The following AKAP8 variants were observed in gnomAD, a reference collection of about 807,000 sequenced individuals.
The protein encoded by AKAP8 is A-kinase anchoring protein 8.
Under a neutral mutation model 67.5 loss-of-function variants are expected in AKAP8, and 24 were observed. The observed-to-expected ratio is 0.36, with a 90% CI of 0.26 to 0.50. AKAP8 has a LOEUF of 0.50. Ranked by LOEUF, AKAP8 falls within the 20% of genes least tolerant of loss-of-function variation. The pLI is 0.97. For synonymous variants in AKAP8, 400 were observed against 371.1 expected (o/e 1.08, Z -0.90); for missense variants, 971 against 955.9 (o/e 1.02, Z -0.21).
intron 2 of AKAP8, among the ~76,000 whole-genome samples, chr19:15,376,082 G>A (rs1239976888): frequency 2.0e-5 from 3 of 152,000 alleles, no homozygotes; most frequent in East Asian, 3.9e-4. Context: ...GGCACGCACT[G>A]CCACGCCCCA....
rs1005590984 is a variant in AKAP8 at position 15,354,858 on chromosome 19, G to C, written c.*57C>G. ...CCCTTGTACTGCTTACAAACCAAGG[G>C]AGAAAGACCAACGCATCCATCATCC... On this transcript the variant is annotated 3_prime_UTR_variant, in exon 14 of 14. Transcript: ENST00000269701. 5.7e-6 allele frequency: 9 copies of C among 1,586,488 alleles called. No individual in the cohort carries two copies. Among genetic ancestry groups the C allele is most frequent in the Admixed American group, 1.7e-5 (1 of 59,322 alleles).
intron 10 of AKAP8, 45 bp downstream of exon 10, chr19:15,362,065 C>A: frequency 6.2e-7 from 1 of 1,606,530 alleles, no homozygotes; most frequent in Non-Finnish European, 8.5e-7. Flanking sequence ...CCGGCACCTG[C>A]GGGATGGGCA....
chr19:15,372,102 T>C (rs1162759838), intron 6 of AKAP8, 104 bp from the exon 7 acceptor site: 4 of 1,608,778 alleles, frequency 2.5e-6, no homozygotes, highest in Non-Finnish European at 3.4e-6. Flanking sequence ...CTGACCACAG[T>C]GGGGTTGAAA....
chr19:15,367,179 T>C (rs1463730690), intron 9 of AKAP8, among the ~76,000 whole-genome samples: 2 of 152,346 alleles, frequency 1.3e-5, no homozygotes, highest in African/African-American at 4.8e-5. Flanking sequence ...GTGCTGGAAT[T>C]ACATGTGTGA....
rs1417431780 is a variant in AKAP8, at chr19:15,372,946, A to G, written c.766T>C (p.Tyr256His). Reference protein sequence around the residue: ...SLFSQSMAPDYGVMGMQGAGG... With the variant: ...SLFSQSMAPDHGVMGMQGAGG... Reference sequence around the variant, plus strand: ...GCCCCCTGCATGCCCATCACGCCGTAGTCGGGAGCCATGGACTGGGAGAAG... The same window carrying G: ...GCCCCCTGCATGCCCATCACGCCGTGGTCGGGAGCCATGGACTGGGAGAAG... Residue 256 changes from tyrosine to histidine, a missense_variant, in exon 5 of 14, where the codon TAC (tyrosine) becomes CAC (histidine). Coordinates refer to ENST00000269701, the MANE Select transcript of AKAP8 (RefSeq NM_005858.4). The G allele has an allele frequency of 1.3e-6, 2 of 1,544,564 alleles. No homozygotes were observed. The highest frequency in any genetic ancestry group is 1.7e-6 in the Non-Finnish European group (2 of 1,146,226).
chr19:15,359,144 T>A, intron 12 of AKAP8, 82 bp from the exon 13 acceptor site: 2 of 1,285,508 alleles, frequency 1.6e-6, no homozygotes, highest in East Asian at 4.6e-5. Flanking sequence ...TGCCGAGTCA[T>A]CCTGAGATCA....
intron 12 of AKAP8, 100 bp from the exon 13 acceptor site, chr19:15,359,162 G>A: frequency 9.4e-7 from 1 of 1,060,070 alleles, no homozygotes; most frequent in Non-Finnish European, 1.4e-6. Flanking sequence ...TCAGCCCTAT[G>A]CAGAGAAGCG....
rs2048268772 is a variant in AKAP8, at chr19:15,355,108, A to G, written c.1886T>C (p.Val629Ala). ...PQAEQLLEEQ[V>A]PCGTAHEKGV... The stretch of plus-strand genomic sequence containing the variant: ...CTTCTCATGTGCCGTTCCACAGGGC[A>G]CCTGCTCTTCCAGCAGCTGTTCGGC... Residue 629 changes from valine to alanine, a missense_variant, in exon 14 of 14, where the codon GTG (valine) becomes GCG (alanine). Transcript: ENST00000269701. The G allele has an allele frequency of 6.2e-7, 1 of 1,613,684 alleles. No homozygotes were observed. Among genetic ancestry groups the G allele is most frequent in the African/African-American group, 1.3e-5 (1 of 74,922 alleles).
intron 2 of AKAP8, 22 bp from the exon 3 acceptor site, chr19:15,374,657 C>A (rs767004212): frequency 6.2e-7 from 1 of 1,613,154 alleles, no homozygotes; most frequent in Admixed American, 1.7e-5. Context: ...CAGAAACACA[C>A]AAGAGCCCTG....
intron 13 of AKAP8, among the ~76,000 whole-genome samples, chr19:15,355,964 G>C (rs1024819646): frequency 1.3e-5 from 2 of 152,044 alleles, no homozygotes; most frequent in African/African-American, 4.8e-5. Flanking sequence ...TGGAACTCCA[G>C]ACCTCAGGTG....
At position 15,355,480 on chromosome 19, in the gene AKAP8, T is replaced by G. The variant is rs950466518; in HGVS notation, c.1624-110A>C. ...CAGCAGTCCACAAGGGAAACACTTC[T>G]GTAAATTATGCCACAGGAGTGAATC... is the stretch of plus-strand genomic sequence containing the variant. On this transcript the variant is annotated intron_variant, in intron 13 of 13. Coordinates refer to ENST00000269701, the MANE Select transcript of AKAP8 (RefSeq NM_005858.4). 3.0e-6 allele frequency: 3 copies of G among 999,768 alleles called. No individual in the cohort carries two copies. In the Admixed American group the frequency reaches 8.0e-5, roughly 27 times the overall value. 61.9% of individuals were successfully genotyped at this position (999,768 alleles called of 1,614,324 possible).
At chr19:15,372,177 C>T in intron 6 of AKAP8, 41 bp downstream of exon 6, 2 of 1,610,380 alleles carry the variant, frequency 1.2e-6, no homozygotes, top group East Asian at 2.2e-5. Flanking sequence ...GCAGCCGACC[C>T]ATCCTACATC....
At chr19:15,361,634 G>A (rs1966967285) in intron 11 of AKAP8, 95 bp downstream of exon 11, 3 of 1,099,294 alleles carry the variant, frequency 2.7e-6, no homozygotes. Flanking sequence ...TTACAGGTGT[G>A]AGCCACCGTG....
At chr19:15,360,723 G>A in intron 12 of AKAP8, 125 bp downstream of exon 12, 2 of 1,218,846 alleles carry the variant, frequency 1.6e-6, no homozygotes, top group Middle Eastern at 3.0e-4. Context: ...ACCCATCGAT[G>A]GAAGTGATAG....
Position 15,354,970 on chromosome 19 carries a change from T to C in AKAP8, c.2024A>G (p.Asp675Gly). Reference protein sequence around the residue: ...TRVAPAPAAADAEVEQTDAES... With the variant: ...TRVAPAPAAAGAEVEQTDAES... ...TGCATCAGTTTGTTCCACTTCAGCA[T>C]CCGCGGCAGCTGGGGCAGGAGCAAC... Residue 675 changes from aspartate to glycine, a missense_variant, in exon 14 of 14, where the codon GAT becomes GGT. Physicochemically the swap from Asp to Gly is moderately conservative, Grantham distance 94 (BLOSUM62 -1). This residue lies in a region of AKAP8 where 204 missense variants were observed against 193.0 expected (regional missense o/e 1.06). Transcript: ENST00000269701. 6.2e-7 allele frequency: 1 copy of C among 1,614,214 alleles called. No homozygotes were observed. The highest frequency in any genetic ancestry group is 8.5e-7 in the Non-Finnish European group (1 of 1,180,046).
rs2048266388 is a variant in AKAP8 at position 15,354,824 on chromosome 19, G to T, written c.*91C>A. The T allele has an allele frequency of 6.9e-7, 1 of 1,439,332 alleles. No homozygotes were observed. Among genetic ancestry groups the T allele is most frequent in the Non-Finnish European group, 9.5e-7 (1 of 1,055,764 alleles). The allele number at this position is 1,439,332 out of a possible 1,614,324, so 89.2% of individuals were successfully genotyped here. A position where few individuals can be genotyped will look rare whatever the true frequency, so the allele number is the denominator to read the frequency against. On this transcript the variant is annotated 3_prime_UTR_variant, in exon 14 of 14. Transcript: ENST00000269701. Reference sequence around the variant, plus strand: ...AAAATTAGATTACAGCATATTCTGGGAGCACACGCCCTTGTACTGCTTACA... The same window carrying T: ...AAAATTAGATTACAGCATATTCTGGTAGCACACGCCCTTGTACTGCTTACA...
chr19:15,363,807 A>G (rs375476094), intron 9 of AKAP8, among the ~76,000 whole-genome samples: 13 of 152,024 alleles, frequency 8.6e-5, no homozygotes, highest in Non-Finnish European at 1.3e-4. Flanking sequence ...ATTTTGTTCT[A>G]TACTAAGAAA....
chr19:15,373,585 C>T, intron 4 of AKAP8: 1 of 909,564 alleles, frequency 1.1e-6, no homozygotes, highest in South Asian at 1.8e-5. Flanking sequence ...GCTTAGCCAA[C>T]AACCACGCCC....
Position 15,360,829 on chromosome 19 carries a change from T to C in AKAP8, c.1527+19A>G. On this transcript the variant is annotated intron_variant, in intron 12 of 13. Coordinates refer to ENST00000269701, the MANE Select transcript of AKAP8 (RefSeq NM_005858.4). Reference sequence around the variant, plus strand: ...GCCCTGCAATGAGCACCCCAGGCAGTGTGGGGAGGAAGACTCACCCTGCGG... The same window carrying C: ...GCCCTGCAATGAGCACCCCAGGCAGCGTGGGGAGGAAGACTCACCCTGCGG... The C allele has an allele frequency of 6.2e-7, 1 of 1,609,186 alleles. No homozygotes were observed. Among genetic ancestry groups the C allele is most frequent in the South Asian group, 1.1e-5 (1 of 90,566 alleles).
Sources: allele counts gnomAD v4.1 joint callset (sites outside exome capture counted in the v4.1 genomes callset), GRCh38; gene constraint gnomAD v4.1.1; regional missense constraint gnomAD v4.1.1; transcripts MANE v1.5; gene names NCBI Gene and HGNC (gene_info 2026-07-23, HGNC 2026-07-21).